PDS5B: variants seen among roughly 807,000 people sequenced by gnomAD.
PDS5B encodes the protein sister chromatid cohesion protein PDS5 homolog B.
A neutral mutation model predicts 184.1 loss-of-function variants in PDS5B; 51 were observed. The observed-to-expected ratio is 0.28, with a 90% CI of 0.22 to 0.35. The LOEUF is 0.35. PDS5B is among the 10% of genes least tolerant of loss of function. The pLI, the probability that PDS5B is intolerant of heterozygous loss-of-function variation, is 1.00. For missense variants in PDS5B, 1,180 were observed against 1,723.3 expected (o/e 0.68, Z 5.58); for synonymous variants, 566 against 569.2 (o/e 0.99, Z 0.08).
chr13:32,691,264 A>G (rs1018714564), intron 13 of PDS5B: 1 of 152,018 alleles, frequency 6.6e-6, no homozygotes, highest in African/African-American at 2.4e-5. Context: ...ACAATTGTGT[A>G]TACAGTGTTG....
chr13:32,711,654 G>GTAATT (rs1952208606), intron 19 of PDS5B, among the ~76,000 whole-genome samples: 32 of 152,174 alleles, frequency 2.1e-4, no homozygotes, highest in Admixed American at 2.1e-3. Flanking sequence ...CACCGCGCCT[G>GTAATT]GCCTTGACTT....
intron 9 of PDS5B, among the ~76,000 whole-genome samples, chr13:32,677,484 A>G (rs2140780829): frequency 6.6e-6 from 1 of 152,176 alleles, no homozygotes; most frequent in South Asian, 2.1e-4. Flanking sequence ...AATAATACCA[A>G]CTTTAAGGAG....
At chr13:32,686,615 A>G (rs1951398323) in intron 11 of PDS5B, among the ~76,000 whole-genome samples, 1 of 152,060 alleles carries the variant, frequency 6.6e-6, no homozygotes, top group South Asian at 2.1e-4. Flanking sequence ...CCCTGTTTCT[A>G]CAAAAAACAA....
intron 1 of PDS5B, among the ~76,000 whole-genome samples, chr13:32,629,159 T>C (rs1278843130): frequency 6.6e-6 from 1 of 152,238 alleles, no homozygotes; most frequent in Non-Finnish European, 1.5e-5. Flanking sequence ...AGCTCTCTTT[T>C]AACCTATTTG....
At position 32,645,461 on chromosome 13, in the gene PDS5B, T is replaced by A. The variant is rs557812388; in HGVS notation, c.-19-3293T>A. ...CCATCTAGACTTGGATATTTTTCCTTGTGGAAAGATCTGTTAATGATTGAT... is the reference window on the plus strand; with the variant it reads ...CCATCTAGACTTGGATATTTTTCCTAGTGGAAAGATCTGTTAATGATTGAT... On this transcript the variant is annotated intron_variant, in intron 1 of 34. Transcript: ENST00000315596. 4.6e-5 allele frequency among the ~76,000 whole-genome samples: 7 copies of A among 152,362 alleles called. No homozygotes were observed. In the South Asian group the frequency reaches 1.4e-3, roughly 32 times the overall value.
Position 32,770,536 on chromosome 13 carries a change from G to A in PDS5B, c.4040G>A (p.Arg1347Gln). The change falls in exon 32 of 35, where the codon CGA (arginine) becomes CAA (glutamine). Residue 1347 changes from arginine to glutamine, a missense_variant. By Grantham distance (43) the Arg-to-Gln change is conservative (BLOSUM62 1). Transcript: ENST00000315596. ...TEQKSKSKQH[R>Q]VSRRAQQRAE... ...CAGAAGTCCAAAAGCAAACAGCACC[G>A]AGTGTCAAGGAGAGCACAGCAGAGG... 2.5e-6 allele frequency: 4 copies of A among 1,607,664 alleles called. No individual in the cohort carries two copies. Among genetic ancestry groups the A allele is most frequent in the Non-Finnish European group, 2.5e-6 (3 of 1,178,460 alleles).
At chr13:32,759,534 A>G in intron 28 of PDS5B, 94 bp from the exon 29 acceptor site, 1 of 538,016 alleles carries the variant, frequency 1.9e-6, no homozygotes. Flanking sequence ...ATTTAGTTTA[A>G]ATAAAAAAAC....
intron 1 of PDS5B, among the ~76,000 whole-genome samples, chr13:32,588,946 A>G (rs892675348): frequency 3.3e-5 from 5 of 152,214 alleles, no homozygotes; most frequent in Non-Finnish European, 5.9e-5. Flanking sequence ...GGGAAGGAAT[A>G]TTTCGGGAAG....
At chr13:32,715,783 C>T (rs987227740) in intron 19 of PDS5B, among the ~76,000 whole-genome samples, 10 of 152,070 alleles carry the variant, frequency 6.6e-5, no homozygotes, top group Non-Finnish European at 1.0e-4. Flanking sequence ...CTCAGCCTGC[C>T]GAGTGCCTGC....
At chr13:32,672,836 C>T (rs1463930322) in intron 7 of PDS5B, among the ~76,000 whole-genome samples, 1 of 152,206 alleles carries the variant, frequency 6.6e-6, no homozygotes, top group Non-Finnish European at 1.5e-5. Flanking sequence ...TCATTGCAGA[C>T]ACACCCAAGA....
intron 6 of PDS5B, among the ~76,000 whole-genome samples, chr13:32,666,537 A>G (rs939803782): frequency 6.6e-6 from 1 of 152,174 alleles, no homozygotes; most frequent in Non-Finnish European, 1.5e-5. Flanking sequence ...ACTATCATTC[A>G]GTGTATACAT....
intron 1 of PDS5B, among the ~76,000 whole-genome samples, chr13:32,622,665 C>T (rs1325310823): frequency 6.6e-6 from 1 of 152,034 alleles, no homozygotes; most frequent in African/African-American, 2.4e-5. Context: ...GTTGGTTTGT[C>T]CCTCCGGGTC....
At chr13:32,718,199 G>A (rs967897627) in intron 19 of PDS5B, among the ~76,000 whole-genome samples, 1 of 150,640 alleles carries the variant, frequency 6.6e-6, no homozygotes, top group South Asian at 2.1e-4. Flanking sequence ...CGCCCAGGCT[G>A]GAGGGCAGTG....
intron 34 of PDS5B, among the ~76,000 whole-genome samples, chr13:32,774,534 T>C (rs1195909732): frequency 6.6e-6 from 1 of 152,240 alleles, no homozygotes; most frequent in Non-Finnish European, 1.5e-5. Flanking sequence ...GTTTTATGCT[T>C]TCATTAGTGC....
chr13:32,660,102 C>G (rs1416824166), intron 6 of PDS5B, among the ~76,000 whole-genome samples: 3 of 151,876 alleles, frequency 2.0e-5, no homozygotes, highest in African/African-American at 7.3e-5. Flanking sequence ...TCCTAGTCAG[C>G]TGCCATCTTG....
chr13:32,722,757 T>A (rs1014645428), intron 19 of PDS5B, among the ~76,000 whole-genome samples: 8 of 152,206 alleles, frequency 5.3e-5, no homozygotes, highest in African/African-American at 1.9e-4. Flanking sequence ...CCTCTAGAGC[T>A]GGTGGGATAA....
At chr13:32,597,491 G>A (rs2057895165) in intron 1 of PDS5B, among the ~76,000 whole-genome samples, 1 of 151,792 alleles carries the variant, frequency 6.6e-6, no homozygotes, top group Non-Finnish European at 1.5e-5. Flanking sequence ...CCAGGAGTTC[G>A]AGTCCAGCCT....
chr13:32,676,938 A>G (rs1202292296), intron 9 of PDS5B, among the ~76,000 whole-genome samples: 1 of 149,946 alleles, frequency 6.7e-6, no homozygotes, highest in African/African-American at 2.5e-5. Flanking sequence ...TCTCCAAAAA[A>G]AAAAAAAAAA....
intron 1 of PDS5B, among the ~76,000 whole-genome samples, chr13:32,604,588 A>C (rs897326271): frequency 2.0e-5 from 3 of 152,186 alleles, no homozygotes; most frequent in African/African-American, 7.2e-5. Flanking sequence ...TTGGCCTCAT[A>C]AAATGAGTTA....
Sources: gnomAD v4.1 joint callset for allele counts (sites outside exome capture counted in the v4.1 genomes callset) on GRCh38, gnomAD v4.1.1 for gene constraint, MANE v1.5 for transcripts, NCBI Gene and HGNC (gene_info 2026-07-23, HGNC 2026-07-21) for gene names.